Variants in RYR1 observed in about 807,000 individuals in gnomAD.
RYR1 encodes the protein ryanodine receptor 1, also known as central core disease of muscle.
In RYR1, 342 loss-of-function variants were observed where a neutral mutation model predicts 583.5. The ratio of observed to expected loss-of-function variants is 0.59; its 90% CI spans 0.54 to 0.64. The LOEUF (loss-of-function observed/expected upper bound fraction) is 0.64. Among genes scored for constraint, RYR1 ranks in the 30% least tolerant of loss-of-function variants. The pLI, the probability that RYR1 is intolerant of heterozygous loss-of-function variation, is 0.00. For synonymous variants in RYR1, 2,791 were observed against 2,822.5 expected (o/e 0.99, Z 0.35); for missense variants, 6,032 against 6,917.2 (o/e 0.87, Z 4.54).
At position 38,444,361 on chromosome 19, in the gene RYR1, G is replaced by A; in HGVS notation, c.537+100G>A. 2.0e-6 allele frequency: 2 copies of A among 1,024,966 alleles called. No homozygotes were observed. Among genetic ancestry groups the A allele is most frequent in the South Asian group, 1.3e-5 (1 of 74,292 alleles). The allele number at this position is 1,024,966 out of a possible 1,614,324, so 63.5% of individuals were successfully genotyped here. ...TGCCTGGCTGATCTCCCACCCCCAA[G>A]GTCCTGACTCCCAATTTCCCATTTC... is the stretch of plus-strand genomic sequence containing the variant. On this transcript the variant is annotated intron_variant, in intron 6 of 105. Coordinates refer to ENST00000359596, the MANE Select transcript of RYR1 (RefSeq NM_000540.3). This position sits in a 1 kb window ranked among gnomAD's most constrained non-coding sequence, Gnocchi z 5.1.
At chr19:38,580,596 C>T (rs1434080250) in intron 101 of RYR1, 92 bp downstream of exon 101, 4 of 1,522,978 alleles carry the variant, frequency 2.6e-6, no homozygotes, top group African/African-American at 1.4e-5. Flanking sequence ...GTGGTGCCTC[C>T]AGCCTGCAAT....
intron 27 of RYR1, among the ~76,000 whole-genome samples, chr19:38,469,812 A>C (rs995008029): frequency 5.3e-5 from 8 of 152,140 alleles, no homozygotes; most frequent in Non-Finnish European, 1.0e-4. Context: ...CATGCCTGTT[A>C]TCCCAGCACT....
At chr19:38,511,453 CCTT>C in intron 60 of RYR1, 105 bp from the exon 61 acceptor site, 1 of 1,187,748 alleles carries the variant, frequency 8.4e-7, no homozygotes, top group African/African-American at 1.5e-5. Flanking sequence ...GTTCCTCTCT[CCTT>C]GTCTTCTCTG....
chr19:38,470,639 A>G (rs1234627513), intron 27 of RYR1, among the ~76,000 whole-genome samples: 1 of 151,774 alleles, frequency 6.6e-6, no homozygotes, highest in African/African-American at 2.4e-5. Context: ...GCTACTCAAG[A>G]GGCTGAGGCA....
Position 38,515,370 on chromosome 19 carries a change from A to C in RYR1, c.9554+263A>C, listed in dbSNP as rs559365990. ...GAGGCGCAGACCACGGGGGCTGCAC[A>C]CAGGAGCCACGCAACACTGGGGTCA... On this transcript the variant is annotated intron_variant, in intron 64 of 105. Transcript: ENST00000359596. 6.6e-5 allele frequency among the ~76,000 whole-genome samples: 10 copies of C among 152,264 alleles called. No individual in the cohort carries two copies. The East Asian group carries it at 1.9e-3, about 29-fold the overall frequency.
At position 38,528,585 on chromosome 19, in the gene RYR1, C is replaced by T. The variant is rs1568542171; in HGVS notation, c.10938-14C>T. 1 of 1,613,854 alleles carries T rather than the reference C, an allele frequency of 6.2e-7. No homozygotes were observed. Among genetic ancestry groups the T allele is most frequent in the South Asian group, 1.1e-5 (1 of 91,066 alleles). On this transcript the variant is annotated splice_polypyrimidine_tract_variant and intron_variant, in intron 74 of 105. Coordinates refer to ENST00000359596, the MANE Select transcript of RYR1 (RefSeq NM_000540.3). Reference sequence around the variant, plus strand: ...GAGGGCGCGTCCCAGTGACGTCACACCTCTCCCCTGCAGGCACCGGGCATG... The same window carrying T: ...GAGGGCGCGTCCCAGTGACGTCACATCTCTCCCCTGCAGGCACCGGGCATG...
rs1256381592 is a variant in RYR1 at position 38,448,360 on chromosome 19, G to A, written c.806G>A (p.Ser269Asn). The A allele has an allele frequency of 1.2e-6, 2 of 1,608,768 alleles. No homozygotes were observed. Among genetic ancestry groups the A allele is most frequent in the Non-Finnish European group, 1.7e-6 (2 of 1,179,854 alleles). The change falls in exon 10 of 106, where the codon AGT (serine) becomes AAT (asparagine). Residue 269 changes from serine (S) to asparagine (N), a missense_variant. Coordinates refer to ENST00000359596, the MANE Select transcript of RYR1 (RefSeq NM_000540.3). ...TTGGCTCTCACCCTCCACAGCTGGAGTGGGAGCCACCTGCGCTGGGGCCAG... is the reference window on the plus strand; with the variant it reads ...TTGGCTCTCACCCTCCACAGCTGGAATGGGAGCCACCTGCGCTGGGGCCAG... Reference protein sequence around the residue: ...WRLEPLRISWSGSHLRWGQPL... With the variant: ...WRLEPLRISWNGSHLRWGQPL...
At chr19:38,451,739 C>G in intron 11 of RYR1, 25 bp from the exon 12 acceptor site, 1 of 1,613,818 alleles carries the variant, frequency 6.2e-7, no homozygotes, top group Non-Finnish European at 8.5e-7. Context: ...GGGCCCACTC[C>G]AGACCTCTGT....
In RYR1 at chr19:38,446,715, A is replaced by C; in HGVS notation, c.747A>C (p.Gly249=). ...DQRRLVYYEG[G]AVCTHARSLW... is the part of the protein sequence containing the mutation. ...CCAGACTTGTCTACTATGAGGGGGG[A>C]GCTGTGTGCACTCATGCCCGCTCCC... Residue 249 remains glycine, a synonymous_variant, in exon 9 of 106, where the codon GGA becomes GGC. Transcript: ENST00000359596. 1 of 1,613,596 alleles carries C rather than the reference A, an allele frequency of 6.2e-7. No homozygotes were observed. Among genetic ancestry groups the C allele is most frequent in the Non-Finnish European group, 8.5e-7 (1 of 1,179,892 alleles).
At chr19:38,511,959 A>C (rs1490945099) in intron 61 of RYR1, 113 bp from the exon 62 acceptor site, 1 of 1,289,610 alleles carries the variant, frequency 7.8e-7, no homozygotes, top group Non-Finnish European at 1.1e-6. Flanking sequence ...GTAGCATTCC[A>C]ACTTAGCCCG....
chr19:38,580,618 G>A (rs1347094126), intron 101 of RYR1, 114 bp downstream of exon 101: 32 of 1,327,716 alleles, frequency 2.4e-5, no homozygotes, highest in Non-Finnish European at 3.1e-5. Context: ...CCAGTGCGTC[G>A]GGAGGCCGAG....
At chr19:38,462,466 G>A (rs941163831) in intron 20 of RYR1, among the ~76,000 whole-genome samples, 6 of 151,780 alleles carry the variant, frequency 4.0e-5, no homozygotes, top group Admixed American at 2.6e-4. Flanking sequence ...AGCCTCGTGG[G>A]CTGTCCACTC....
At chr19:38,482,927 C>A in intron 31 of RYR1, 100 bp from the exon 32 acceptor site, 1 of 1,030,062 alleles carries the variant, frequency 9.7e-7, no homozygotes, top group Non-Finnish European at 1.5e-6. Flanking sequence ...CTCTAACGCC[C>A]AGATGAGGAC....
Position 38,455,496 on chromosome 19 carries a change from C to T in RYR1, c.1622C>T (p.Thr541Ile). 6.2e-7 allele frequency: 1 copy of T among 1,614,212 alleles called. No individual in the cohort carries two copies. ...GNRSNCALFS[T>I]NLDWLVSKLD... ...CGTAGCAACTGTGCCCTCTTCTCCACAAACTTGGACTGGCTGGTCAGCAAG... is the reference window on the plus strand; with the variant it reads ...CGTAGCAACTGTGCCCTCTTCTCCATAAACTTGGACTGGCTGGTCAGCAAG... The change falls in exon 15 of 106, where the codon ACA becomes ATA. Residue 541 changes from threonine (T) to isoleucine (I), a missense_variant. Physicochemically the swap from Thr to Ile is moderately conservative, Grantham distance 89. Transcript: ENST00000359596.
intron 87 of RYR1, among the ~76,000 whole-genome samples, chr19:38,545,194 C>T (rs532583076): frequency 1.1e-4 from 17 of 152,132 alleles, no homozygotes; most frequent in Non-Finnish European, 2.4e-4. Context: ...CATATACCCA[C>T]CTATAGAACC....
chr19:38,520,029 G>A lies in RYR1; in HGVS notation c.10259+575G>A, dbSNP rs1042099062. ...TAATGCTGGACATTTAGATTGTGTC[G>A]ATTTCTTTGTCACTATGCACAACAC... On this transcript the variant is annotated intron_variant, in intron 67 of 105. Coordinates refer to ENST00000359596, the MANE Select transcript of RYR1 (RefSeq NM_000540.3). Among the ~76,000 whole-genome samples, 7 of 147,440 alleles carry A rather than the reference G, an allele frequency of 4.7e-5. No individual in the cohort carries two copies. In the East Asian group the frequency reaches 8.0e-4, roughly 17 times the overall value.
Position 38,565,432 on chromosome 19 carries a change from C to G in RYR1, c.13098C>G (p.Gly4366=). Residue 4366 remains glycine (G), a synonymous_variant, in exon 91 of 106, where the codon GGC becomes GGG. Transcript: ENST00000359596. This position sits in a 1 kb window ranked among gnomAD's most constrained non-coding sequence, Gnocchi z 4.7. ...GLLWGSLFGG[G]LVEGAKKVTV... is the part of the protein sequence containing the mutation. ...TCTGGGGCTCGCTGTTCGGCGGCGG[C>G]CTGGTGGAGGGCGCCAAGAAGGTGA... The G allele has an allele frequency of 1.3e-6, 2 of 1,491,254 alleles. No homozygotes were observed. The highest frequency in any genetic ancestry group is 1.8e-6 in the Non-Finnish European group (2 of 1,127,676). The allele number at this position is 1,491,254 out of a possible 1,614,324, so 92.4% of individuals were successfully genotyped here.
chr19:38,478,431 G>A lies in RYR1; in HGVS notation c.4455-4G>A. The A allele has an allele frequency of 1.2e-6, 2 of 1,612,972 alleles. No homozygotes were observed. The highest frequency in any genetic ancestry group is 1.7e-6 in the Non-Finnish European group (2 of 1,180,000). On this transcript the variant is annotated splice_polypyrimidine_tract_variant and splice_region_variant and intron_variant, in intron 30 of 105. Transcript: ENST00000359596. ...AGTGCAGTGACCGCTTCTGTCTCCT[G>A]CAGCCTCAAGTGTAGCAACTGCTAC... is the stretch of plus-strand genomic sequence containing the variant.
In RYR1 at chr19:38,551,025, C is replaced by CTTTTT. The variant is rs71165560; in HGVS notation, c.12282+2640_12282+2644dup. 7.3e-4 allele frequency among the ~76,000 whole-genome samples: 30 copies of CTTTTT among 41,358 alleles called. 10 individuals are homozygous for CTTTTT. The highest frequency in any genetic ancestry group is 1.7e-3 in the East Asian group (2 of 1,194). The allele number at this position is 41,358 out of a possible 152,430, so 27.1% of individuals were successfully genotyped here. On this transcript the variant is annotated intron_variant, in intron 89 of 105. Transcript: ENST00000359596. Reference sequence around the variant, plus strand: ...CATTTATATCAGTGTGGATTCACGGCTTTTTTTTTTTTTTTTTTTTTTTTT... The same window carrying CTTTTT: ...CATTTATATCAGTGTGGATTCACGGCTTTTTTTTTTTTTTTTTTTTTTTTTTTTTT...
Sources: gnomAD v4.1 joint callset for allele counts (sites outside exome capture counted in the v4.1 genomes callset) on GRCh38, gnomAD v4.1.1 for gene constraint, Gnocchi (gnomAD v3.1) non-coding constraint, MANE v1.5 for transcripts, NCBI Gene and HGNC (gene_info 2026-07-23, HGNC 2026-07-21) for gene names.